Variants in DISP2 observed in about 807,000 individuals in gnomAD.
The protein encoded by DISP2 is protein dispatched homolog 2.
A neutral mutation model predicts 95.5 loss-of-function variants in DISP2; 59 were observed. The ratio of observed to expected loss-of-function variants is 0.62; its 90% confidence interval spans 0.50 to 0.77. The LOEUF is 0.77. Ranked by LOEUF, DISP2 falls within the 30% of genes least tolerant of loss-of-function variation. The probability of loss-of-function intolerance (pLI) is 0.00; values close to 1 mark genes in which losing one functional copy is unlikely to be tolerated. For synonymous variants in DISP2, 827 were observed against 815.0 expected, an observed-to-expected ratio of 1.01 and a Z score of -0.25; for missense variants, 1,752 against 1,854.6, an observed-to-expected ratio of 0.94 and a Z score of 1.02.
At chr15:40,362,082 T>G (rs1889414550) in intron 1 of DISP2, among the ~76,000 whole-genome samples, 1 of 152,230 alleles carries the variant, frequency 6.6e-6, no homozygotes, top group Non-Finnish European at 1.5e-5. Flanking sequence ...CACAGAGTAT[T>G]GCCCTTATGA....
intron 7 of DISP2, 23 bp from the exon 8 acceptor site, chr15:40,367,035 C>T: frequency 6.2e-7 from 1 of 1,602,784 alleles, no homozygotes; most frequent in Non-Finnish European, 8.5e-7. Context: ...CCTGAACTCT[C>T]CCCTCCTGCG....
chr15:40,361,640 C>T (rs144071377), intron 1 of DISP2, among the ~76,000 whole-genome samples: 134 of 152,350 alleles, frequency 8.8e-4, no homozygotes, highest in Non-Finnish European at 6.6e-4. Flanking sequence ...CCTGTACTGC[C>T]GGGCCAGCCT....
intron 1 of DISP2, 62 bp from the exon 2 acceptor site, chr15:40,363,562 TG>T: frequency 8.2e-7 from 1 of 1,215,692 alleles, no homozygotes. Flanking sequence ...TGAATAATGC[TG>T]GGGCATGGGG....
chr15:40,358,526 G>A, intron 1 of DISP2, 86 bp downstream of exon 1: 1 of 1,019,708 alleles, frequency 9.8e-7, no homozygotes, highest in East Asian at 3.4e-5. Flanking sequence ...GCCATATGTT[G>A]CCCCATTCAT....
chr15:40,370,544 T>G lies in DISP2; in HGVS notation c.*226T>G. The stretch of plus-strand genomic sequence containing the variant: ...GGAGGGGTTTTGGAGGGGACCTGCT[T>G]GCGACCTGCTGAGGGCTTGTCTGCT... On this transcript the variant is annotated 3_prime_UTR_variant, in exon 8 of 8. Coordinates refer to ENST00000267889, the MANE Select transcript of DISP2 (RefSeq NM_033510.3). 1 of 815,358 alleles carries G rather than the reference T, an allele frequency of 1.2e-6. No homozygotes were observed. Among genetic ancestry groups the G allele is most frequent in the Non-Finnish European group, 2.0e-6 (1 of 493,102 alleles). The allele number at this position is 815,358 out of a possible 1,614,324, so 50.5% of individuals were successfully genotyped here.
rs758807489 is a variant in DISP2, at chr15:40,369,590, T to C, written c.3478T>C (p.Ser1160Pro). 6.2e-7 allele frequency: 1 copy of C among 1,611,744 alleles called. No individual in the cohort carries two copies. The highest frequency in any genetic ancestry group is 2.2e-5 in the East Asian group (1 of 44,874). Reference sequence around the variant, plus strand: ...AGTGGGAGGGATGCCCGGGTCCTGCTCAGAGCAATATGAGCTACAGCCCCT... The same window carrying C: ...AGTGGGAGGGATGCCCGGGTCCTGCCCAGAGCAATATGAGCTACAGCCCCT... ...GSVGGMPGSCSEQYELQPLAR... is the reference protein window; with the variant it reads ...GSVGGMPGSCPEQYELQPLAR... Residue 1160 changes from serine to proline, a missense_variant, in exon 8 of 8, where the codon TCA becomes CCA. Ser to Pro is a moderately conservative substitution (Grantham distance 74). Around this residue, in one of 5 missense-constraint regions of DISP2, gnomAD observed 347 missense variants for 344.2 expected, o/e 1.01. Coordinates refer to ENST00000267889, the MANE Select transcript of DISP2 (RefSeq NM_033510.3).
chr15:40,365,092 CCT>C, intron 5 of DISP2, 53 bp from the exon 6 acceptor site: 1 of 1,598,832 alleles, frequency 6.3e-7, no homozygotes, highest in Non-Finnish European at 8.5e-7. Context: ...TCTCTGGCCT[CCT>C]CTGAGTCTTC....
intron 1 of DISP2, 32 bp downstream of exon 1, chr15:40,358,472 C>T: frequency 8.2e-7 from 1 of 1,212,474 alleles, no homozygotes; most frequent in Non-Finnish European, 1.0e-6. Context: ...ATCCGTATCA[C>T]AGACCCTCCC....
rs576499589 is a variant in DISP2, at chr15:40,371,825, C to G, written c.*1507C>G. On this transcript the variant is annotated 3_prime_UTR_variant, in exon 8 of 8. Coordinates refer to ENST00000267889, the MANE Select transcript of DISP2 (RefSeq NM_033510.3). ...TGTGGAAGAAAAATTGAACACCACC[C>G]TCAAAGAGCTCACCTTCTAGCTGGG... 2 of 152,292 alleles carry G rather than the reference C, an allele frequency of 1.3e-5. No homozygotes were observed. Among genetic ancestry groups the G allele is most frequent in the East Asian group, 3.9e-4 (2 of 5,186 alleles). 9.4% of individuals were successfully genotyped at this position (152,292 alleles called of 1,614,324 possible).
intron 1 of DISP2, among the ~76,000 whole-genome samples, chr15:40,361,401 G>A (rs1040435864): frequency 6.6e-6 from 1 of 152,216 alleles, no homozygotes; most frequent in Non-Finnish European, 1.5e-5. Context: ...GAAAGCAAAC[G>A]TGTCTTCCAC....
At position 40,368,473 on chromosome 15, in the gene DISP2, G is replaced by A; in HGVS notation, c.2361G>A (p.Leu787=). ...GVLPVDTGDP[L]DPRSNSSLVR... ...TGCCTGTGGACACTGGCGACCCTCT[G>A]GACCCTCGTAGCAACAGCAGCCTGG... The change falls in exon 8 of 8, where the codon CTG becomes CTA. Residue 787 remains leucine, a synonymous_variant. Transcript: ENST00000267889. The A allele has an allele frequency of 6.2e-7, 1 of 1,609,200 alleles. No homozygotes were observed. The highest frequency in any genetic ancestry group is 8.5e-7 in the Non-Finnish European group (1 of 1,179,874).
Position 40,375,945 on chromosome 15 carries a change from C to T in DISP2, c.*5627C>T, listed in dbSNP as rs754479049. 3.3e-5 allele frequency: 5 copies of T among 152,232 alleles called. No individual in the cohort carries two copies. Among genetic ancestry groups the T allele is most frequent in the Non-Finnish European group, 5.9e-5 (4 of 68,062 alleles). The allele number at this position is 152,232 out of a possible 1,614,324, so 9.4% of individuals were successfully genotyped here. On this transcript the variant is annotated 3_prime_UTR_variant, in exon 8 of 8. Transcript: ENST00000267889. ...CTCATTCTGAATCCTACTCTGGCTCCTTGCTCTGCGCTGTAAAAAACAAAT... is the reference window on the plus strand; with the variant it reads ...CTCATTCTGAATCCTACTCTGGCTCTTTGCTCTGCGCTGTAAAAAACAAAT...
rs1168966802 is a variant in DISP2 at position 40,367,694 on chromosome 15, T to G, written c.1582T>G (p.Phe528Val). The G allele has an allele frequency of 1.2e-6, 2 of 1,613,844 alleles. No homozygotes were observed. The highest frequency in any genetic ancestry group is 3.3e-5 in the Admixed American group (2 of 60,024). Residue 528 changes from phenylalanine (F) to valine (V), a missense_variant, in exon 8 of 8, where the codon TTC becomes GTC. Phe to Val is a conservative substitution (Grantham distance 50, BLOSUM62 -1). Coordinates refer to ENST00000267889, the MANE Select transcript of DISP2 (RefSeq NM_033510.3). ...LGVLGSLLVA[F>V]FLYQVAFRMA... is the part of the protein sequence containing the mutation. Reference sequence around the variant, plus strand: ...GGTGCTGGGCTCACTGCTGGTGGCCTTCTTCCTTTACCAGGTGGCCTTCCG... The same window carrying G: ...GGTGCTGGGCTCACTGCTGGTGGCCGTCTTCCTTTACCAGGTGGCCTTCCG...
intron 7 of DISP2, among the ~76,000 whole-genome samples, 153 bp downstream of exon 7, chr15:40,365,878 C>T (rs958044419): frequency 4.6e-5 from 7 of 152,192 alleles, no homozygotes; most frequent in African/African-American, 1.7e-4. Context: ...TGCTGAGAGG[C>T]TCCAGGTTGG....
At position 40,367,686 on chromosome 15, in the gene DISP2, TGGTGGCCTTCTTCCTTTACCA is replaced by T; in HGVS notation, c.1585_1605del (p.Phe529_Phe535del). The T allele has an allele frequency of 6.2e-7, 1 of 1,613,974 alleles. No individual in the cohort carries two copies. Among genetic ancestry groups the T allele is most frequent in the South Asian group, 1.1e-5 (1 of 91,076 alleles). ...CTGCTGGGGGTGCTGGGCTCACTGC[TGGTGGCCTTCTTCCTTTACCA>T]GGTGGCCTTCCGCATGGCCTACTTC... On this transcript the variant is annotated inframe_deletion, in exon 8 of 8. Coordinates refer to ENST00000267889, the MANE Select transcript of DISP2 (RefSeq NM_033510.3).
intron 6 of DISP2, 136 bp downstream of exon 6, chr15:40,365,410 G>A (rs1009961792): frequency 1.1e-5 from 16 of 1,455,146 alleles, no homozygotes; most frequent in African/African-American, 4.3e-5. Flanking sequence ...CAAGGAAGCC[G>A]GGTTACAGCT....
chr15:40,368,914 G>A lies in DISP2; in HGVS notation c.2802G>A (p.Glu934=), dbSNP rs1889574729. The A allele has an allele frequency of 1.9e-6, 3 of 1,613,744 alleles. No homozygotes were observed. The highest frequency in any genetic ancestry group is 2.7e-5 in the African/African-American group (2 of 74,948). Residue 934 remains glutamate (E), a synonymous_variant, in exon 8 of 8, where the codon GAG becomes GAA. Coordinates refer to ENST00000267889, the MANE Select transcript of DISP2 (RefSeq NM_033510.3). Reference sequence around the variant, plus strand: ...AGGTCAGCCACTGGCTGGCAGCGGAGCTGGGCATGGCACCTCCAGGCCTCC... The same window carrying A: ...AGGTCAGCCACTGGCTGGCAGCGGAACTGGGCATGGCACCTCCAGGCCTCC... ...YNEVSHWLAA[E]LGMAPPGLRR... is the part of the protein sequence containing the mutation.
At position 40,374,012 on chromosome 15, in the gene DISP2, A is replaced by ATATATATATAT. The variant is rs199525888; in HGVS notation, c.*3694_*3695insTATATATATAT. 1.1e-5 allele frequency: 1 copy of ATATATATATAT among 89,486 alleles called. No individual in the cohort carries two copies. Among genetic ancestry groups the ATATATATATAT allele is most frequent in the African/African-American group, 5.7e-5 (1 of 17,502 alleles). The allele number at this position is 89,486 out of a possible 1,614,324, so 5.5% of individuals were successfully genotyped here. ...GAGCGAGACTCCATCTTAAAAAAAA[A>ATATATATATAT]AAATATATATATATATATATGTAAA... On this transcript the variant is annotated 3_prime_UTR_variant, in exon 8 of 8. Coordinates refer to ENST00000267889, the MANE Select transcript of DISP2 (RefSeq NM_033510.3).
chr15:40,363,655 A>C lies in DISP2; in HGVS notation c.150A>C (p.Ala50=). Residue 50 remains alanine (A), a synonymous_variant, in exon 2 of 8, where the codon GCA becomes GCC. Coordinates refer to ENST00000267889, the MANE Select transcript of DISP2 (RefSeq NM_033510.3). The part of the protein sequence containing the change: ...STQTKAVPPE[A]SPERSCSLHS... ...AGACCAAGGCTGTGCCCCCTGAGGC[A>C]AGCCCAGAGAGAAGCTGCTCCCTCC... 1 of 1,559,118 alleles carries C rather than the reference A, an allele frequency of 6.4e-7. No individual in the cohort carries two copies. Among genetic ancestry groups the C allele is most frequent in the Non-Finnish European group, 8.7e-7 (1 of 1,151,752 alleles).
Sources: gnomAD v4.1 joint callset for allele counts (sites outside exome capture counted in the v4.1 genomes callset) on GRCh38, gnomAD v4.1.1 for gene constraint, gnomAD v4.1.1 regional missense constraint, MANE v1.5 for transcripts, NCBI Gene and HGNC (gene_info 2026-07-23, HGNC 2026-07-21) for gene names.